Variants in PDZK1IP1 observed in about 807,000 individuals in gnomAD.
PDZK1IP1 encodes PDZK1 interacting protein 1, also known as PDZK1-interacting protein 1.
In PDZK1IP1, 9 loss-of-function variants were observed where a neutral mutation model predicts 14.7. The ratio of observed to expected loss-of-function variants is 0.61; its 90% CI spans 0.37 to 1.07. The LOEUF is 1.07. PDZK1IP1 is among the 50% of genes least tolerant of loss of function. PDZK1IP1 has a pLI of 0.01. For missense variants in PDZK1IP1, 152 were observed against 148.7 expected (o/e 1.02, Z -0.11); for synonymous variants, 70 against 61.2 (o/e 1.14, Z -0.67).
intron 1 of PDZK1IP1, 85 bp downstream of exon 1, chr1:47,189,777 TGTAA>T (rs1436771218): frequency 1.0e-6 from 1 of 956,054 alleles, no homozygotes; most frequent in African/African-American, 1.7e-5. Flanking sequence ...CCCTCCAAAC[TGTAA>T]GTATCAAGGC....
chr1:47,184,351 A>C (rs1645303165), intron 3 of PDZK1IP1, among the ~76,000 whole-genome samples: 1 of 65,384 alleles, frequency 1.5e-5, no homozygotes, highest in Non-Finnish European at 3.0e-5. Context: ...ACTGAGCTCC[A>C]TCCCCAACTG....
intron 2 of PDZK1IP1, 142 bp downstream of exon 2, chr1:47,187,177 C>A: frequency 1.5e-6 from 1 of 650,732 alleles, no homozygotes; most frequent in Non-Finnish European, 2.7e-6. Flanking sequence ...ACCCCATGAC[C>A]TTGAGCCTCA....
chr1:47,185,168 C>T (rs1430019156), intron 2 of PDZK1IP1, 71 bp from the exon 3 acceptor site: 19 of 1,201,796 alleles, frequency 1.6e-5, no homozygotes, highest in Non-Finnish European at 2.2e-5. Flanking sequence ...TATTCTGGGT[C>T]CTGGTTCTCA....
intron 3 of PDZK1IP1, 58 bp downstream of exon 3, chr1:47,184,944 T>C (rs1645309730): frequency 1.4e-6 from 2 of 1,391,362 alleles, no homozygotes; most frequent in East Asian, 2.3e-5. Flanking sequence ...AGCACCTGTC[T>C]TGAGATTCTC....
intron 1 of PDZK1IP1, among the ~76,000 whole-genome samples, chr1:47,187,738 G>A (rs554442599): frequency 6.8e-4 from 104 of 152,272 alleles, no homozygotes; most frequent in Non-Finnish European, 1.1e-3. Flanking sequence ...GCAGCCCAGA[G>A]CCTCTTTCCC....
intron 2 of PDZK1IP1, among the ~76,000 whole-genome samples, chr1:47,186,856 C>G (rs1456059511): frequency 6.6e-6 from 1 of 152,230 alleles, no homozygotes; most frequent in Non-Finnish European, 1.5e-5. Context: ...CCCTCAGCAG[C>G]AACTCTTGAA....
chr1:47,188,119 C>T (rs1273984966), intron 1 of PDZK1IP1, among the ~76,000 whole-genome samples: 1 of 152,198 alleles, frequency 6.6e-6, no homozygotes, highest in East Asian at 1.9e-4. Flanking sequence ...GCTGGGTGCC[C>T]AGGGACTAGG....
In PDZK1IP1 at chr1:47,183,813, G is replaced by A. The variant is rs1470212270; in HGVS notation, c.*158C>T. ...TAGACACGGTCTGAGCTCCAACCTT[G>A]GCTGGCTATACTTCAAGGGCGGGTA... On this transcript the variant is annotated 3_prime_UTR_variant, in exon 4 of 4. Transcript: ENST00000294338. The A allele has an allele frequency of 7.5e-6, 5 of 664,134 alleles. No individual in the cohort carries two copies. The Admixed American group carries it at 1.2e-4, about 16-fold the overall frequency. The allele number at this position is 664,134 out of a possible 1,614,324, so 41.1% of individuals were successfully genotyped here.
intron 2 of PDZK1IP1, among the ~76,000 whole-genome samples, chr1:47,186,784 A>C (rs951823120): frequency 6.6e-6 from 1 of 152,182 alleles, no homozygotes. Flanking sequence ...TAAATGTGCA[A>C]TGGGGAAGCC....
chr1:47,189,684 C>G lies in PDZK1IP1; in HGVS notation c.67+182G>C, dbSNP rs568461196. 2.6e-5 allele frequency among the ~76,000 whole-genome samples: 4 copies of G among 152,338 alleles called. No homozygotes were observed. The South Asian group carries it at 8.3e-4, about 32-fold the overall frequency. On this transcript the variant is annotated intron_variant, in intron 1 of 3. Transcript: ENST00000294338. The stretch of plus-strand genomic sequence containing the variant: ...GAACCAACTGCTGCCAGTTTTCACT[C>G]GTTGAAAACAAGTGACAGGCAGAGA...
At chr1:47,187,518 C>T (rs1056027157) in intron 1 of PDZK1IP1, 91 bp from the exon 2 acceptor site, 8 of 1,033,288 alleles carry the variant, frequency 7.7e-6, no homozygotes, top group Non-Finnish European at 1.2e-5. Context: ...AGGACCCCAC[C>T]TATGCTGAAG....
rs973796349 is a variant in PDZK1IP1 at position 47,190,026 on chromosome 1, G to A, written c.-94C>T. 2 of 997,488 alleles carry A rather than the reference G, an allele frequency of 2.0e-6. No individual in the cohort carries two copies. The highest frequency in any genetic ancestry group is 3.4e-5 in the African/African-American group (2 of 59,420). 61.8% of individuals were successfully genotyped at this position (997,488 alleles called of 1,614,324 possible). On this transcript the variant is annotated 5_prime_UTR_variant, in exon 1 of 4. Coordinates refer to ENST00000294338, the MANE Select transcript of PDZK1IP1 (RefSeq NM_005764.4). ...ATTGGTGTCCGCCTGAAATCAACCT[G>A]GGCTCAGTCTGGCCCTGGAGGAGAG...
intron 3 of PDZK1IP1, among the ~76,000 whole-genome samples, chr1:47,184,746 A>G (rs1645308646): frequency 6.8e-6 from 1 of 147,180 alleles, no homozygotes; most frequent in Admixed American, 6.8e-5. Flanking sequence ...CATTGTACCC[A>G]CTGCCCTATG....
chr1:47,184,595 G>A (rs1400112067), intron 3 of PDZK1IP1, among the ~76,000 whole-genome samples: 6 of 5,876 alleles, frequency 1.0e-3, no homozygotes, highest in African/African-American at 2.4e-3. Context: ...ACCCCACTGA[G>A]TCCACACCCC....
chr1:47,186,322 A>G (rs1156304364), intron 2 of PDZK1IP1, among the ~76,000 whole-genome samples: 1 of 137,344 alleles, frequency 7.3e-6, no homozygotes, highest in African/African-American at 3.1e-5. Flanking sequence ...AAAAAAAGAA[A>G]AAAAAAAAAA....
chr1:47,186,045 T>C (rs912563524), intron 2 of PDZK1IP1, among the ~76,000 whole-genome samples: 3 of 152,266 alleles, frequency 2.0e-5, no homozygotes, highest in Non-Finnish European at 4.4e-5. Context: ...GCATGGTGGC[T>C]CACACCTGTA....
chr1:47,188,000 G>C (rs1645330496), intron 1 of PDZK1IP1, among the ~76,000 whole-genome samples: 1 of 152,184 alleles, frequency 6.6e-6, no homozygotes, highest in South Asian at 2.1e-4. Flanking sequence ...CCAGAGAGAG[G>C]AGTGGACCAG....
At position 47,185,035 on chromosome 1, in the gene PDZK1IP1, T is replaced by G. The variant is rs1645310325; in HGVS notation, c.239A>C (p.Asp80Ala). The G allele has an allele frequency of 6.2e-7, 1 of 1,613,380 alleles. No homozygotes were observed. Among genetic ancestry groups the G allele is most frequent in the Admixed American group, 1.7e-5 (1 of 60,016 alleles). ...GGCCGCCATCGAAGAGTACCTTCCATCTGTTCCCACCAGGACTCCATCTGC... is the reference window on the plus strand; with the variant it reads ...GGCCGCCATCGAAGAGTACCTTCCAGCTGTTCCCACCAGGACTCCATCTGC... ...NKADGVLVGT[D>A]GRYSSMAASF... Residue 80 changes from aspartate to alanine, a missense_variant, in exon 3 of 4, where the codon GAT becomes GCT. Asp to Ala is a moderately radical substitution (Grantham distance 126). Transcript: ENST00000294338.
chr1:47,185,923 A>T (rs934329071), intron 2 of PDZK1IP1, among the ~76,000 whole-genome samples: 1 of 151,832 alleles, frequency 6.6e-6, no homozygotes, highest in East Asian at 1.9e-4. Flanking sequence ...AGGCCTGCAG[A>T]CTGGAGACTC....
Sources: allele counts gnomAD v4.1 joint callset (sites outside exome capture counted in the v4.1 genomes callset), GRCh38; gene constraint gnomAD v4.1.1; transcripts MANE v1.5; gene names NCBI Gene and HGNC (gene_info 2026-07-23, HGNC 2026-07-21).